IFT43: variants seen among roughly 807,000 people sequenced by gnomAD.
The protein encoded by IFT43 is intraflagellar transport 43, also known as intraflagellar transport protein 43 homolog.
IFT43 carries 33 observed loss-of-function variants against 32.3 expected under a neutral mutation model. The ratio of observed to expected loss-of-function variants is 1.02; its 90% CI spans 0.77 to 1.37. The LOEUF (loss-of-function observed/expected upper bound fraction) is 1.37, where lower values mean the gene tolerates loss of function less well. Among genes scored for constraint, IFT43 ranks in the 40% most tolerant of loss-of-function variants. IFT43 has a pLI of 0.00. For synonymous variants in IFT43, 93 were observed against 98.2 expected (o/e 0.95, Z 0.31); for missense variants, 274 against 265.9 (o/e 1.03, Z -0.21).
At chr14:76,058,523 A>G (rs2140051009) in intron 3 of IFT43, 119 bp from the exon 4 acceptor site, 1 of 1,216,658 alleles carries the variant, frequency 8.2e-7, no homozygotes. Flanking sequence ...GACTGCAGAC[A>G]AATAAAGCAC....
chr14:76,079,467 A>G (rs1328116493), intron 5 of IFT43, among the ~76,000 whole-genome samples: 1 of 152,152 alleles, frequency 6.6e-6, no homozygotes, highest in Non-Finnish European at 1.5e-5. Context: ...TGATGAAGAA[A>G]TTGAGGCATA....
chr14:76,056,301 C>G (rs2037013684), intron 3 of IFT43, among the ~76,000 whole-genome samples: 1 of 152,214 alleles, frequency 6.6e-6, no homozygotes, highest in Non-Finnish European at 1.5e-5. Context: ...TCCTTGAGGA[C>G]TCCATTTGAT....
chr14:76,083,301 G>A lies in IFT43; in HGVS notation c.507+12G>A, dbSNP rs2037549117. 6.2e-7 allele frequency: 1 copy of A among 1,611,900 alleles called. No homozygotes were observed. On this transcript the variant is annotated intron_variant, in intron 8 of 8. Transcript: ENST00000314067. ...ACGAAGTCCGGGAGGTACAGTGGTG[G>A]CAGCAATTCCCCGGTCTCTCAGCTC...
chr14:76,036,408 C>CTTTTTTTTTTTTTTTTTT (rs3086747), intron 3 of IFT43, among the ~76,000 whole-genome samples: 2 of 119,750 alleles, frequency 1.7e-5, no homozygotes, highest in African/African-American at 3.2e-5. Flanking sequence ...TTCTGTCTTT[C>CTTTTTTTTTTTTTTTTTT]TTTTTTTTTT....
chr14:75,994,479 A>T (rs2035704716), intron 2 of IFT43, among the ~76,000 whole-genome samples: 1 of 152,176 alleles, frequency 6.6e-6, no homozygotes. Context: ...AGTAGATTGG[A>T]GTTGTGTCTA....
chr14:76,022,394 A>AG lies in IFT43; in HGVS notation c.215+1dup, dbSNP rs762019015. The stretch of plus-strand genomic sequence containing the variant: ...GCAGGTGATTCCGTGAAGGCTTCGA[A>AG]GTGAGTACCAGCAGCTCATAAGAGT... On this transcript the variant is annotated frameshift_variant and splice_region_variant. Transcript: ENST00000314067. LOFTEE classifies it high-confidence loss of function. 1.3e-6 allele frequency: 2 copies of AG among 1,583,864 alleles called. No individual in the cohort carries two copies. The highest frequency in any genetic ancestry group is 1.7e-6 in the Non-Finnish European group (2 of 1,152,544).
intron 5 of IFT43, among the ~76,000 whole-genome samples, chr14:76,068,750 G>A (rs1389237295): frequency 1.3e-5 from 2 of 152,180 alleles, no homozygotes; most frequent in Non-Finnish European, 2.9e-5. Context: ...TAGTAGGCTT[G>A]AACTCAGTCT....
intron 4 of IFT43, 123 bp from the exon 5 acceptor site, chr14:76,059,204 A>G: frequency 6.2e-7 from 1 of 1,602,246 alleles, no homozygotes; most frequent in Non-Finnish European, 8.5e-7. Context: ...AAGTTGACAG[A>G]GAAAAACAGG....
intron 2 of IFT43, among the ~76,000 whole-genome samples, chr14:75,990,042 G>A (rs181470378): frequency 6.6e-6 from 1 of 152,316 alleles, no homozygotes; most frequent in Admixed American, 6.5e-5. Context: ...TAACATCTGT[G>A]CTGGCCTAGA....
intron 5 of IFT43, among the ~76,000 whole-genome samples, chr14:76,061,965 G>A (rs923649043): frequency 2.0e-5 from 3 of 151,986 alleles, no homozygotes; most frequent in Non-Finnish European, 4.4e-5. Context: ...TGCTCAGCCT[G>A]TACTAGCTCT....
chr14:76,027,706 C>CA (rs34486241), intron 3 of IFT43, among the ~76,000 whole-genome samples: 2,943 of 97,248 alleles, frequency 0.03, 63 homozygotes, highest in African/African-American at 0.065. Context: ...GAGACTGTCT[C>CA]AAAAAAAAAA....
In IFT43 at chr14:76,066,697, T is replaced by G. The variant is rs116340678; in HGVS notation, c.295+7324T>G. On this transcript the variant is annotated intron_variant, in intron 5 of 8. Transcript: ENST00000314067. ...GGCAACTATAAGGAAACCTAGTGGTTCCTAATAAAATCACATCCAGGCTCT... is the reference window on the plus strand; with the variant it reads ...GGCAACTATAAGGAAACCTAGTGGTGCCTAATAAAATCACATCCAGGCTCT... Among the ~76,000 whole-genome samples, 543 of 152,296 alleles carry G rather than the reference T, an allele frequency of 3.6e-3. 3 individuals are homozygous for G. The highest frequency in any genetic ancestry group is 0.012 in the African/African-American group (507 of 41,556).
chr14:76,006,042 TGGGA>T (rs2035974861), intron 2 of IFT43, among the ~76,000 whole-genome samples: 1 of 152,122 alleles, frequency 6.6e-6, no homozygotes, highest in African/African-American at 2.4e-5. Flanking sequence ...CATTTTCCCT[TGGGA>T]CTAGTGACAG....
intron 7 of IFT43, 125 bp from the exon 8 acceptor site, chr14:76,083,102 G>T: frequency 1.1e-6 from 1 of 934,570 alleles, no homozygotes; most frequent in Non-Finnish European, 1.7e-6. Flanking sequence ...CTCTTGTGAA[G>T]GCATTCCTGC....
chr14:76,007,872 G>A (rs7154170), intron 2 of IFT43, among the ~76,000 whole-genome samples: 2,796 of 152,242 alleles, frequency 0.018, 86 homozygotes, highest in African/African-American at 0.064. Flanking sequence ...GGATGTAATT[G>A]AGATTAAGAA....
In IFT43 at chr14:76,018,220, G is replaced by C. The variant is rs546532379; in HGVS notation, c.148-4107G>C. On this transcript the variant is annotated intron_variant, in intron 2 of 8. Transcript: ENST00000314067. The stretch of plus-strand genomic sequence containing the variant: ...CTTCCCTCTTGGCTCTGCTTTTGCT[G>C]TATCCCATAGGTTTTTGTATGTTGT... Among the ~76,000 whole-genome samples the C allele has an allele frequency of 4.6e-5, 7 of 151,244 alleles. No homozygotes were observed. In the East Asian group the frequency reaches 1.4e-3, roughly 29 times the overall value.
intron 5 of IFT43, among the ~76,000 whole-genome samples, chr14:76,069,270 C>G (rs2037278420): frequency 6.6e-6 from 1 of 152,084 alleles, no homozygotes; most frequent in African/African-American, 2.4e-5. Context: ...AGGACAGCAC[C>G]AAGGGAATGG....
chr14:76,049,738 A>C (rs2036878048), intron 3 of IFT43, among the ~76,000 whole-genome samples: 1 of 144,918 alleles, frequency 6.9e-6, no homozygotes, highest in Admixed American at 6.9e-5. Context: ...ACTTCCATTT[A>C]ACTGCTCTGT....
intron 2 of IFT43, among the ~76,000 whole-genome samples, chr14:76,015,261 T>C (rs909603444): frequency 9.9e-5 from 15 of 152,166 alleles, no homozygotes; most frequent in African/African-American, 1.7e-4. Context: ...AACTAAATCA[T>C]GTATGTAAGG....
Sources: gnomAD v4.1 joint callset for allele counts (sites outside exome capture counted in the v4.1 genomes callset) on GRCh38, gnomAD v4.1.1 for gene constraint, MANE v1.5 for transcripts, NCBI Gene and HGNC (gene_info 2026-07-23, HGNC 2026-07-21) for gene names.